The following CATSPERE variants were observed in gnomAD, a reference collection of about 807,000 sequenced individuals.
The protein encoded by CATSPERE is catsper channel auxiliary subunit epsilon, also known as cation channel sperm-associated auxiliary subunit epsilon.
A neutral mutation model predicts 114.1 loss-of-function variants in CATSPERE; 93 were observed. That is an observed-to-expected ratio of 0.81 (90% CI 0.69 to 0.97). The LOEUF (loss-of-function observed/expected upper bound fraction) is 0.97, where lower values mean the gene tolerates loss of function less well. Ranked by LOEUF, CATSPERE falls within the 50% of genes least tolerant of loss-of-function variation. The pLI, the probability that CATSPERE is intolerant of heterozygous loss-of-function variation, is 0.00. For synonymous variants in CATSPERE, 341 were observed against 384.1 expected (o/e 0.89, Z 1.31); for missense variants, 1,058 against 1,131.6 (o/e 0.93, Z 0.93).
At chr1:244,489,922 C>T (rs1260519123) in intron 5 of CATSPERE, among the ~76,000 whole-genome samples, 1 of 152,072 alleles carries the variant, frequency 6.6e-6, no homozygotes, top group Non-Finnish European at 1.5e-5. Context: ...TGGGAGAGAG[C>T]ATCAATGAGA....
At chr1:244,621,297 A>AGATATATCTATATAGATATATCTATAT (rs1213117000) in intron 20 of CATSPERE, among the ~76,000 whole-genome samples, 1 of 118,778 alleles carries the variant, frequency 8.4e-6, no homozygotes, top group African/African-American at 3.7e-5. Flanking sequence ...ATATCTATAT[A>AGATATATCTATATAGATATATCTATAT]AATATATAAA....
At position 244,504,195 on chromosome 1, in the gene CATSPERE, G is replaced by T. The variant is rs1035785488; in HGVS notation, c.429+5116G>T. Among the ~76,000 whole-genome samples, 2 of 152,164 alleles carry T rather than the reference G, an allele frequency of 1.3e-5. No individual in the cohort carries two copies. The highest frequency in any genetic ancestry group is 2.9e-5 in the Non-Finnish European group (2 of 68,040). On this transcript the variant is annotated intron_variant, in intron 7 of 21. Transcript: ENST00000366534. This position sits in a 1 kb window ranked among gnomAD's most constrained non-coding sequence, Gnocchi z 4.1. ...GCTATTTATCTGCACTTGAAATACT[G>T]ATGGCAATACCATGTTCCTTTTATT...
chr1:244,627,992 T>G (rs1410834443), intron 20 of CATSPERE, among the ~76,000 whole-genome samples: 2 of 152,240 alleles, frequency 1.3e-5, no homozygotes, highest in Non-Finnish European at 2.9e-5. Context: ...TGATAGTCAC[T>G]TAATAGCCAT....
chr1:244,599,813 A>G (rs143953627), intron 17 of CATSPERE, among the ~76,000 whole-genome samples: 2,375 of 152,318 alleles, frequency 0.016, 28 homozygotes, highest in Non-Finnish European at 0.025. Context: ...AAGAGAAGCC[A>G]GACTGCAGGG....
intron 2 of CATSPERE, among the ~76,000 whole-genome samples, chr1:244,476,826 GA>G (rs1291971073): frequency 6.6e-6 from 1 of 152,132 alleles, no homozygotes; most frequent in Non-Finnish European, 1.5e-5. Flanking sequence ...TTAGAAATAA[GA>G]AAAAGATGAA....
intron 5 of CATSPERE, among the ~76,000 whole-genome samples, chr1:244,483,710 A>C (rs1292010475): frequency 1.3e-5 from 2 of 151,996 alleles, no homozygotes; most frequent in African/African-American, 4.8e-5. Flanking sequence ...CTTAATTACT[A>C]CTCCATTATC....
chr1:244,521,571 G>A (rs548791622), intron 8 of CATSPERE, among the ~76,000 whole-genome samples: 12 of 151,622 alleles, frequency 7.9e-5, no homozygotes, highest in Middle Eastern at 6.8e-3. Flanking sequence ...TGCTTTCCTC[G>A]GCTTAGTAAA....
chr1:244,634,290 A>G (rs1674347169), intron 20 of CATSPERE, among the ~76,000 whole-genome samples: 1 of 152,204 alleles, frequency 6.6e-6, no homozygotes, highest in Admixed American at 6.5e-5. Flanking sequence ...CTAGCTATTC[A>G]GTCTAAAGAA....
At chr1:244,610,138 T>C (rs1670513922) in intron 18 of CATSPERE, 102 bp from the exon 19 acceptor site, 1 of 749,020 alleles carries the variant, frequency 1.3e-6, no homozygotes, top group African/African-American at 1.8e-5. Flanking sequence ...ATGTAAGTTT[T>C]AAAAATACAA....
rs573001139 is a variant in CATSPERE, at chr1:244,579,124, G to A, written c.1951-2672G>A. 7.2e-5 allele frequency among the ~76,000 whole-genome samples: 11 copies of A among 152,150 alleles called. No homozygotes were observed. The East Asian group carries it at 1.2e-3, about 16-fold the overall frequency. Reference sequence around the variant, plus strand: ...GTGATATGCAATTTACTGGAAGGACGAACTGCCCACAGGATGACTAGTGTC... The same window carrying A: ...GTGATATGCAATTTACTGGAAGGACAAACTGCCCACAGGATGACTAGTGTC... On this transcript the variant is annotated intron_variant, in intron 11 of 21. Coordinates refer to ENST00000366534, the MANE Select transcript of CATSPERE (RefSeq NM_001130957.2).
intron 1 of CATSPERE, among the ~76,000 whole-genome samples, chr1:244,461,820 C>T (rs1666861083): frequency 6.6e-6 from 1 of 152,170 alleles, no homozygotes; most frequent in South Asian, 2.1e-4. Flanking sequence ...CGGGGGTTGT[C>T]TGTTTGTTTT....
chr1:244,489,767 A>G (rs1011368127), intron 5 of CATSPERE, among the ~76,000 whole-genome samples: 2 of 152,088 alleles, frequency 1.3e-5, no homozygotes, highest in African/African-American at 4.8e-5. Flanking sequence ...TTTAACTGCC[A>G]TCTCCACTTT....
intron 5 of CATSPERE, among the ~76,000 whole-genome samples, chr1:244,489,829 G>C (rs542258685): frequency 5.3e-5 from 8 of 151,872 alleles, no homozygotes; most frequent in Non-Finnish European, 1.2e-4. Context: ...CAAACACGTA[G>C]TTAGATATAT....
chr1:244,578,212 G>A (rs147319135), intron 11 of CATSPERE, among the ~76,000 whole-genome samples: 86 of 152,232 alleles, frequency 5.6e-4, no homozygotes, highest in African/African-American at 1.7e-3. Flanking sequence ...GGAGTGCAGC[G>A]GTGTGATCTT....
At chr1:244,588,682 T>C in intron 14 of CATSPERE, 148 bp downstream of exon 14, 1 of 664,318 alleles carries the variant, frequency 1.5e-6, no homozygotes, top group Non-Finnish European at 2.7e-6. Flanking sequence ...CTAGATTCAA[T>C]TGGTTTAAAC....
intron 8 of CATSPERE, among the ~76,000 whole-genome samples, chr1:244,543,583 T>C (rs3000694): frequency 0.87 from 130,438 of 149,992 alleles, 57,692 homozygotes; most frequent in East Asian, 1. Context: ...AGGGTGATTA[T>C]AGTCAATAAC....
chr1:244,597,610 T>TTTCGTA (rs1190157021), intron 17 of CATSPERE, among the ~76,000 whole-genome samples: 1 of 151,158 alleles, frequency 6.6e-6, no homozygotes, highest in Non-Finnish European at 1.5e-5. Context: ...TAATTTATAA[T>TTTCGTA]TTCGTATATA....
chr1:244,486,135 G>A (rs1051539133), intron 5 of CATSPERE, among the ~76,000 whole-genome samples: 1 of 152,194 alleles, frequency 6.6e-6, no homozygotes, highest in Non-Finnish European at 1.5e-5. Context: ...TGCTCAGAAA[G>A]CAGGGGGGAA....
chr1:244,634,192 G>A (rs1057263544), intron 20 of CATSPERE, among the ~76,000 whole-genome samples: 3 of 152,018 alleles, frequency 2.0e-5, no homozygotes, highest in South Asian at 2.1e-4. Flanking sequence ...ATCTTGTATT[G>A]TTGTTTGTGG....
Sources: allele counts gnomAD v4.1 joint callset (sites outside exome capture counted in the v4.1 genomes callset), GRCh38; gene constraint gnomAD v4.1.1; non-coding constraint Gnocchi (gnomAD v3.1); transcripts MANE v1.5; gene names NCBI Gene and HGNC (gene_info 2026-07-23, HGNC 2026-07-21).